Variants in USP10 observed in about 807,000 individuals in gnomAD.
USP10 encodes ubiquitin specific peptidase 10, also known as ubiquitin carboxyl-terminal hydrolase 10.
A neutral mutation model predicts 84.5 loss-of-function variants in USP10; 22 were observed. That is an observed-to-expected ratio of 0.26 (90% confidence interval 0.19 to 0.37). The LOEUF is 0.37. Among genes scored for constraint, USP10 ranks in the 10% least tolerant of loss-of-function variants. The pLI is 1.00. For missense variants in USP10, 1,019 were observed against 998.9 expected (o/e 1.02, Z -0.27); for synonymous variants, 454 against 387.6 (o/e 1.17, Z -2.01).
chr16:84,742,835 A>T (rs1325735767), intron 3 of USP10, among the ~76,000 whole-genome samples: 1 of 152,228 alleles, frequency 6.6e-6, no homozygotes, highest in Non-Finnish European at 1.5e-5. Context: ...TAATTATAAC[A>T]TACTGAAATG....
intron 1 of USP10, among the ~76,000 whole-genome samples, chr16:84,719,119 T>G (rs549792135): frequency 4.5e-4 from 68 of 151,950 alleles, no homozygotes; most frequent in African/African-American, 1.6e-3. Flanking sequence ...TGTTGTTGTT[T>G]TTGCCTTTAT....
intron 2 of USP10, among the ~76,000 whole-genome samples, chr16:84,734,815 A>G (rs372456652): frequency 2.0e-5 from 3 of 152,034 alleles, no homozygotes; most frequent in African/African-American, 7.3e-5. Flanking sequence ...GAGGCACTGA[A>G]TTTTGTATAT....
At chr16:84,762,382 A>G (rs1311256738) in intron 8 of USP10, among the ~76,000 whole-genome samples, 1 of 152,160 alleles carries the variant, frequency 6.6e-6, no homozygotes, top group Non-Finnish European at 1.5e-5. Context: ...TTTTTTTTAA[A>G]TAACTTTTTT....
intron 10 of USP10, 96 bp downstream of exon 10, chr16:84,764,359 T>C: frequency 1.3e-6 from 2 of 1,505,502 alleles, no homozygotes; most frequent in Non-Finnish European, 1.8e-6. Context: ...TGAGACTTCT[T>C]GGACGTAATG....
At chr16:84,719,145 C>G (rs912276726) in intron 1 of USP10, among the ~76,000 whole-genome samples, 1 of 152,118 alleles carries the variant, frequency 6.6e-6, no homozygotes, top group Non-Finnish European at 1.5e-5. Flanking sequence ...TGTTAATGAT[C>G]AGTAAACCCT....
rs75396687 is a variant in USP10, at chr16:84,764,361, G to T, written c.1832+98G>T. 0.034 allele frequency: 50,684 copies of T among 1,505,458 alleles called. 1,071 individuals are homozygous for T. Among genetic ancestry groups the T allele is most frequent in the Middle Eastern group, 0.057 (333 of 5,802 alleles). The allele number at this position is 1,505,458 out of a possible 1,614,324, so 93.3% of individuals were successfully genotyped here. ...GTGAGGCTTGTTTTGAGACTTCTTG[G>T]ACGTAATGGTTTGCATCTTGCTCCC... On this transcript the variant is annotated intron_variant, in intron 10 of 13. Transcript: ENST00000219473.
At chr16:84,757,838 A>T (rs1319635914) in intron 4 of USP10, among the ~76,000 whole-genome samples, 1 of 152,142 alleles carries the variant, frequency 6.6e-6, no homozygotes, top group African/African-American at 2.4e-5. Flanking sequence ...CTTATTGGTG[A>T]AAGGGTCAAA....
At chr16:84,711,525 C>G (rs141178939) in intron 1 of USP10, among the ~76,000 whole-genome samples, 1 of 152,266 alleles carries the variant, frequency 6.6e-6, no homozygotes, top group East Asian at 1.9e-4. Context: ...TGTTGTTGCT[C>G]ATGGATTCGT....
chr16:84,777,754 G>T (rs1915167819), intron 13 of USP10, among the ~76,000 whole-genome samples: 1 of 152,114 alleles, frequency 6.6e-6, no homozygotes, highest in Non-Finnish European at 1.5e-5. Flanking sequence ...CGTGACAACT[G>T]CGACTAGAAC....
At position 84,760,195 on chromosome 16, in the gene USP10, G is replaced by C. The variant is rs759233603; in HGVS notation, c.1474G>C (p.Asp492His). The change falls in exon 8 of 14, where the codon GAT (aspartate) becomes CAT (histidine). Residue 492 changes from aspartate to histidine, a missense_variant. Transcript: ENST00000219473. ...RQALGDKIVRDIRPGAAFEPT... is the reference protein window; with the variant it reads ...RQALGDKIVRHIRPGAAFEPT... ...AGCTCTTGGAGATAAAATCGTGAGG[G>C]ATATTCGCCCTGGAGCTGCCTTTGA... is the stretch of plus-strand genomic sequence containing the variant. 1 of 1,609,682 alleles carries C rather than the reference G, an allele frequency of 6.2e-7. No individual in the cohort carries two copies. The highest frequency in any genetic ancestry group is 8.5e-7 in the Non-Finnish European group (1 of 1,177,846).
At chr16:84,772,880 G>A (rs1182081763) in intron 12 of USP10, among the ~76,000 whole-genome samples, 195 bp downstream of exon 12, 1 of 151,922 alleles carries the variant, frequency 6.6e-6, no homozygotes, top group Non-Finnish European at 1.5e-5. Flanking sequence ...GAAAATAGAG[G>A]CAAAAATAAC....
intron 3 of USP10, among the ~76,000 whole-genome samples, chr16:84,741,659 C>A (rs767553813): frequency 5.3e-5 from 8 of 152,186 alleles, no homozygotes; most frequent in African/African-American, 1.2e-4. Context: ...ACTCTGTTCC[C>A]TCTAAGTCCT....
chr16:84,703,150 C>T (rs546113743), intron 1 of USP10, among the ~76,000 whole-genome samples: 3 of 152,102 alleles, frequency 2.0e-5, no homozygotes, highest in South Asian at 2.1e-4. Flanking sequence ...ATTTTGAGAC[C>T]GGTAACTCAG....
rs528125475 is a variant in USP10, at chr16:84,711,800, A to G, written c.21+11689A>G. On this transcript the variant is annotated intron_variant, in intron 1 of 13. Coordinates refer to ENST00000219473, the MANE Select transcript of USP10 (RefSeq NM_005153.3). ...AGTGGCAAGATCTCAGCTCACTGCA[A>G]CCTCTGCCTCCGGGGCTCAAGTGAT... 6.9e-5 allele frequency among the ~76,000 whole-genome samples: 10 copies of G among 144,162 alleles called. No individual in the cohort carries two copies. The East Asian group carries it at 1.2e-3, about 18-fold the overall frequency. The allele number at this position is 144,162 out of a possible 152,430, so 94.6% of individuals were successfully genotyped here. A position where few individuals can be genotyped will look rare whatever the true frequency, so the allele number is the denominator to read the frequency against.
rs1910979474 is a variant in USP10, at chr16:84,744,494, A to G, written c.152-139A>G. 3 of 707,218 alleles carry G rather than the reference A, an allele frequency of 4.2e-6. No individual in the cohort carries two copies. In the South Asian group the frequency reaches 8.9e-5, roughly 21 times the overall value. The allele number at this position is 707,218 out of a possible 1,614,324, so 43.8% of individuals were successfully genotyped here. ...TTGTTTCATTTTCCGCAAATTGTTC[A>G]GCGTAAGTAAAGGACGTAATAGATT... On this transcript the variant is annotated intron_variant, in intron 3 of 13. Transcript: ENST00000219473.
At chr16:84,746,674 G>T (rs1352379618) in intron 4 of USP10, among the ~76,000 whole-genome samples, 1 of 152,198 alleles carries the variant, frequency 6.6e-6, no homozygotes, top group Non-Finnish European at 1.5e-5. Context: ...AGTGATGAGT[G>T]CTGAGTGAAT....
chr16:84,722,628 C>A (rs142569038), intron 1 of USP10, among the ~76,000 whole-genome samples: 67 of 152,224 alleles, frequency 4.4e-4, no homozygotes, highest in East Asian at 1.2e-3. Context: ...GTGGTGTGAT[C>A]TTGGCTCACT....
intron 4 of USP10, among the ~76,000 whole-genome samples, chr16:84,753,447 G>C (rs538466623): frequency 6.6e-6 from 1 of 152,220 alleles, no homozygotes; most frequent in African/African-American, 2.4e-5. Flanking sequence ...GGGGGATTCT[G>C]ATGTCTGTAT....
rs116618850 is a variant in USP10, at chr16:84,731,668, C to A, written c.22-1767C>A. Among the ~76,000 whole-genome samples, 1,012 of 152,284 alleles carry A rather than the reference C, an allele frequency of 6.6e-3. 9 individuals carry two copies. Among genetic ancestry groups the A allele is most frequent in the African/African-American group, 0.023 (958 of 41,546 alleles). The stretch of plus-strand genomic sequence containing the variant: ...TTTCAAAATGTTGCCCCATTGCCTT[C>A]CATAGCCTTGTTGATTTTGCTATTA... On this transcript the variant is annotated intron_variant, in intron 1 of 13. Coordinates refer to ENST00000219473, the MANE Select transcript of USP10 (RefSeq NM_005153.3).
Sources: gnomAD v4.1 joint callset for allele counts (sites outside exome capture counted in the v4.1 genomes callset) on GRCh38, gnomAD v4.1.1 for gene constraint, MANE v1.5 for transcripts, NCBI Gene and HGNC (gene_info 2026-07-23, HGNC 2026-07-21) for gene names.